The following ARL4A variants were observed in gnomAD, a reference collection of about 807,000 sequenced individuals.
ARL4A encodes ADP-ribosylation factor-like protein 4A.
A neutral mutation model predicts 13.9 loss-of-function variants in ARL4A; 5 were observed. That is an observed-to-expected ratio of 0.36 (90% CI 0.19 to 0.75). The LOEUF (loss-of-function observed/expected upper bound fraction) is 0.75. Ranked by LOEUF, ARL4A falls within the 30% of genes least tolerant of loss-of-function variation. The pLI is 0.53. For synonymous variants in ARL4A, 77 were observed against 84.4 expected (o/e 0.91, Z 0.48); for missense variants, 147 against 225.8 (o/e 0.65, Z 2.24).
At position 12,689,917 on chromosome 7, in the gene ARL4A, A is replaced by G. The variant is rs1478267132; in HGVS notation, c.*1060A>G. On this transcript the variant is annotated 3_prime_UTR_variant, in exon 2 of 2. Transcript: ENST00000651779. ...ATACCTGATGCGCTGTAGAATGAAA[A>G]TGTAAAAGATAACCTGTATGTGTTC... is the stretch of plus-strand genomic sequence containing the variant. 6.0e-6 allele frequency: 1 copy of G among 167,068 alleles called. No homozygotes were observed. The highest frequency in any genetic ancestry group is 1.5e-5 in the Non-Finnish European group (1 of 68,120). 10.3% of individuals were successfully genotyped at this position (167,068 alleles called of 1,614,324 possible). A position where few individuals can be genotyped will look rare whatever the true frequency, so the allele number is the denominator to read the frequency against.
rs1296052575 is a variant in ARL4A at position 12,690,851 on chromosome 7, A to G, written c.*1994A>G. 6.0e-6 allele frequency: 1 copy of G among 166,996 alleles called. No homozygotes were observed. Among genetic ancestry groups the G allele is most frequent in the Non-Finnish European group, 1.5e-5 (1 of 68,118 alleles). The allele number at this position is 166,996 out of a possible 1,614,324, so 10.3% of individuals were successfully genotyped here. The stretch of plus-strand genomic sequence containing the variant: ...CCTTTGTAGCCTAAGTACGTAAACA[A>G]ATTAATGTTATCTAAGTTTTTCATA... On this transcript the variant is annotated 3_prime_UTR_variant, in exon 2 of 2. Coordinates refer to ENST00000651779, the MANE Select transcript of ARL4A (RefSeq NM_005738.5).
At position 12,688,132 on chromosome 7, in the gene ARL4A, G is replaced by A. The variant is rs540430936; in HGVS notation, c.-89-34G>A. 2 of 1,374,474 alleles carry A rather than the reference G, an allele frequency of 1.5e-6. No homozygotes were observed. The highest frequency in any genetic ancestry group is 2.3e-5 in the East Asian group (1 of 42,780). The allele number at this position is 1,374,474 out of a possible 1,614,324, so 85.1% of individuals were successfully genotyped here. On this transcript the variant is annotated intron_variant, in intron 1 of 1. Transcript: ENST00000651779. The surrounding 1 kb of genome is among the most constrained non-coding windows in gnomAD (Gnocchi z 5.2). The stretch of plus-strand genomic sequence containing the variant: ...CAAACCTGTTTTAATGTATTATTTC[G>A]GGAGAATAACTTATTCCTTCTTCCG...
rs1784591500 is a variant in ARL4A at position 12,689,967 on chromosome 7, A to AT, written c.*1112dup. Reference sequence around the variant, plus strand: ...CCGAGCTTTAATTTTTTGTTTACAAATTGAACAGTGTTACATGGGCTGTCC... The same window carrying AT: ...CCGAGCTTTAATTTTTTGTTTACAAATTTGAACAGTGTTACATGGGCTGTCC... On this transcript the variant is annotated 3_prime_UTR_variant, in exon 2 of 2. Transcript: ENST00000651779. 6.0e-6 allele frequency: 1 copy of AT among 167,086 alleles called. No individual in the cohort carries two copies. Among genetic ancestry groups the AT allele is most frequent in the African/African-American group, 2.4e-5 (1 of 41,464 alleles). 10.4% of individuals were successfully genotyped at this position (167,086 alleles called of 1,614,324 possible).
Position 12,688,244 on chromosome 7 carries a change from T to G in ARL4A, c.-11T>G, listed in dbSNP as rs1029564443. The G allele has an allele frequency of 6.5e-7, 1 of 1,545,200 alleles. No individual in the cohort carries two copies. Among genetic ancestry groups the G allele is most frequent in the African/African-American group, 1.4e-5 (1 of 72,292 alleles). On this transcript the variant is annotated 5_prime_UTR_variant, in exon 2 of 2. Transcript: ENST00000651779. This position sits in a 1 kb window ranked among gnomAD's most constrained non-coding sequence, Gnocchi z 5.2. ...AGCATTTCAATTTGGGACATTTATT[T>G]GCACCTGGAAATGGGGAATGGGCTG...
In ARL4A at chr7:12,689,750, T is replaced by G. The variant is rs1237337767; in HGVS notation, c.*893T>G. On this transcript the variant is annotated 3_prime_UTR_variant, in exon 2 of 2. Transcript: ENST00000651779. Reference sequence around the variant, plus strand: ...TGGATTTATGAAGAAGGCGATTTAGTCAAGAGGATGTAATTAAAATATGTG... The same window carrying G: ...TGGATTTATGAAGAAGGCGATTTAGGCAAGAGGATGTAATTAAAATATGTG... 2 of 166,906 alleles carry G rather than the reference T, an allele frequency of 1.2e-5. No homozygotes were observed. Among genetic ancestry groups the G allele is most frequent in the Admixed American group, 6.5e-5 (1 of 15,288 alleles). The allele number at this position is 166,906 out of a possible 1,614,324, so 10.3% of individuals were successfully genotyped here.
rs762452969 is a variant in ARL4A, at chr7:12,688,900, G to A, written c.*43G>A. 1 of 1,534,252 alleles carries A rather than the reference G, an allele frequency of 6.5e-7. No individual in the cohort carries two copies. Among genetic ancestry groups the A allele is most frequent in the East Asian group, 2.3e-5 (1 of 44,332 alleles). On this transcript the variant is annotated 3_prime_UTR_variant, in exon 2 of 2. Coordinates refer to ENST00000651779, the MANE Select transcript of ARL4A (RefSeq NM_005738.5). The surrounding 1 kb of genome is among the most constrained non-coding windows in gnomAD (Gnocchi z 5.2). ...ATCTGTGTGGAGTAGGTTTTCTCTG[G>A]TCTGATTTTGACAAATAGAAGAGTG...
In ARL4A at chr7:12,688,847, A is replaced by T. The variant is rs1243325251; in HGVS notation, c.593A>T (p.Lys198Met). 6.2e-7 allele frequency: 1 copy of T among 1,606,558 alleles called. No homozygotes were observed. The highest frequency in any genetic ancestry group is 8.5e-7 in the Non-Finnish European group (1 of 1,177,388). ...KRRKMLRQQKKKR is the reference protein window; with the variant it reads ...KRRKMLRQQKMKR ...AGAAAAATGTTGCGGCAACAGAAAA[A>T]GAAAAGATGAATATCAATACCTATT... is the stretch of plus-strand genomic sequence containing the variant. Residue 198 changes from lysine to methionine, a missense_variant, in exon 2 of 2, where the codon AAG becomes ATG. Lys to Met is a moderately conservative substitution (Grantham distance 95). Coordinates refer to ENST00000651779, the MANE Select transcript of ARL4A (RefSeq NM_005738.5). This position sits in a 1 kb window ranked among gnomAD's most constrained non-coding sequence, Gnocchi z 5.2.
Position 12,688,759 on chromosome 7 carries a change from G to T in ARL4A, c.505G>T (p.Ala169Ser), listed in dbSNP as rs1784569125. Residue 169 changes from alanine (A) to serine (S), a missense_variant, in exon 2 of 2, where the codon GCA becomes TCA. Coordinates refer to ENST00000651779, the MANE Select transcript of ARL4A (RefSeq NM_005738.5). The surrounding 1 kb of genome is among the most constrained non-coding windows in gnomAD (Gnocchi z 5.2). ...STPWHLQPTC[A>S]IIGDGLKEGL... ...TCCTTGGCATTTGCAGCCTACCTGT[G>T]CAATCATAGGAGATGGCCTAAAGGA... 6.2e-7 allele frequency: 1 copy of T among 1,613,830 alleles called. No homozygotes were observed. Among genetic ancestry groups the T allele is most frequent in the African/African-American group, 1.3e-5 (1 of 74,910 alleles).
At chr7:12,687,430 C>G (rs1784540127), upstream of ARL4A, 3 of 152,298 alleles carry the variant, frequency 2.0e-5, no homozygotes, top group African/African-American at 7.2e-5. This position sits in a 1 kb window ranked among gnomAD's most constrained non-coding sequence, Gnocchi z 5.6. Flanking sequence ...AACTTAAGGG[C>G]AACAGGTGGT....
chr7:12,690,484 G>C lies in ARL4A; in HGVS notation c.*1627G>C, dbSNP rs1784602414. 1 of 166,858 alleles carries C rather than the reference G, an allele frequency of 6.0e-6. No homozygotes were observed. The highest frequency in any genetic ancestry group is 1.5e-5 in the Non-Finnish European group (1 of 68,070). The allele number at this position is 166,858 out of a possible 1,614,324, so 10.3% of individuals were successfully genotyped here. A position where few individuals can be genotyped will look rare whatever the true frequency, so the allele number is the denominator to read the frequency against. ...CAATAAACTACTTGAGGCACTAGGAGAACAGTATTTGACTTTGAATTTTAA... is the reference window on the plus strand; with the variant it reads ...CAATAAACTACTTGAGGCACTAGGACAACAGTATTTGACTTTGAATTTTAA... On this transcript the variant is annotated 3_prime_UTR_variant, in exon 2 of 2. Coordinates refer to ENST00000651779, the MANE Select transcript of ARL4A (RefSeq NM_005738.5).
chr7:12,687,943 A>C lies in ARL4A; in HGVS notation c.-90+215A>C, dbSNP rs1167176808. ...GTTTGGGGACCCAGGAGAAAAACGT[A>C]CATATTACTGCAATTTAAGTAAACC... is the stretch of plus-strand genomic sequence containing the variant. On this transcript the variant is annotated intron_variant, in intron 1 of 1. Coordinates refer to ENST00000651779, the MANE Select transcript of ARL4A (RefSeq NM_005738.5). This position sits in a 1 kb window ranked among gnomAD's most constrained non-coding sequence, Gnocchi z 5.6. Among the ~76,000 whole-genome samples the C allele has an allele frequency of 6.6e-6, 1 of 152,196 alleles. No individual in the cohort carries two copies. The highest frequency in any genetic ancestry group is 1.5e-5 in the Non-Finnish European group (1 of 68,030).
rs138601015 is a variant in ARL4A, at chr7:12,688,353, G to C, written c.99G>C (p.Lys33Asn). The change falls in exon 2 of 2, where the codon AAG becomes AAC. Residue 33 changes from lysine to asparagine, a missense_variant. Lys to Asn is a moderately conservative substitution (Grantham distance 94). Coordinates refer to ENST00000651779, the MANE Select transcript of ARL4A (RefSeq NM_005738.5). The surrounding 1 kb of genome is among the most constrained non-coding windows in gnomAD (Gnocchi z 5.2). ...IVILGLDCAGKTTVLYRLQFN... is the reference protein window; with the variant it reads ...IVILGLDCAGNTTVLYRLQFN... ...TTCTGGGTTTGGACTGTGCTGGAAA[G>C]ACAACTGTCTTATACAGGCTGCAGT... The C allele has an allele frequency of 6.2e-7, 1 of 1,613,820 alleles. No homozygotes were observed. The highest frequency in any genetic ancestry group is 1.3e-5 in the African/African-American group (1 of 74,918).
upstream of ARL4A, chr7:12,687,490 T>A (rs1395661852): frequency 1.3e-5 from 2 of 152,772 alleles, no homozygotes; most frequent in African/African-American, 4.8e-5. The surrounding 1 kb of genome is among the most constrained non-coding windows in gnomAD (Gnocchi z 5.6). Flanking sequence ...GAGCGGCAGT[T>A]ACCCTCACCA....
rs1399615514 is a variant in ARL4A at position 12,690,385 on chromosome 7, G to A, written c.*1528G>A. 1 of 165,642 alleles carries A rather than the reference G, an allele frequency of 6.0e-6. No homozygotes were observed. Among genetic ancestry groups the A allele is most frequent in the Non-Finnish European group, 1.5e-5 (1 of 67,970 alleles). The allele number at this position is 165,642 out of a possible 1,614,324, so 10.3% of individuals were successfully genotyped here. Reference sequence around the variant, plus strand: ...AATGAATGAAGTAGCTTGATGTGGAGCCTTCATATGTTAAATATTCCTGCA... The same window carrying A: ...AATGAATGAAGTAGCTTGATGTGGAACCTTCATATGTTAAATATTCCTGCA... On this transcript the variant is annotated 3_prime_UTR_variant, in exon 2 of 2. Transcript: ENST00000651779.
At position 12,689,200 on chromosome 7, in the gene ARL4A, A is replaced by G. The variant is rs1274591081; in HGVS notation, c.*343A>G. On this transcript the variant is annotated 3_prime_UTR_variant, in exon 2 of 2. Coordinates refer to ENST00000651779, the MANE Select transcript of ARL4A (RefSeq NM_005738.5). ...TGTCTGCCTAGTGTTTTGTGCTTAC[A>G]TCTTTCGGGGGGAAGCCTTTGCAAG... 4.6e-6 allele frequency: 1 copy of G among 217,568 alleles called. No homozygotes were observed. The highest frequency in any genetic ancestry group is 5.3e-5 in the Admixed American group (1 of 18,926). 13.5% of individuals were successfully genotyped at this position (217,568 alleles called of 1,614,324 possible). A position where few individuals can be genotyped will look rare whatever the true frequency, so the allele number is the denominator to read the frequency against.
Position 12,689,817 on chromosome 7 carries a change from T to C in ARL4A, c.*960T>C, listed in dbSNP as rs1259588525. 2 of 166,812 alleles carry C rather than the reference T, an allele frequency of 1.2e-5. No homozygotes were observed. The highest frequency in any genetic ancestry group is 2.9e-5 in the Non-Finnish European group (2 of 68,118). 10.3% of individuals were successfully genotyped at this position (166,812 alleles called of 1,614,324 possible). A position where few individuals can be genotyped will look rare whatever the true frequency, so the allele number is the denominator to read the frequency against. On this transcript the variant is annotated 3_prime_UTR_variant, in exon 2 of 2. Coordinates refer to ENST00000651779, the MANE Select transcript of ARL4A (RefSeq NM_005738.5). ...AGTTACAAGATATTTGTTTTATTAA[T>C]ATTTGCTGGCTAAAAACAAATGTGG...
At chr7:12,687,024 AG>A (rs1377232267), upstream of ARL4A, 1 of 152,076 alleles carries the variant, frequency 6.6e-6, no homozygotes. The surrounding 1 kb of genome is among the most constrained non-coding windows in gnomAD (Gnocchi z 5.6). Flanking sequence ...AATGAAGAAG[AG>A]GGAAGGACGG....
Position 12,690,118 on chromosome 7 carries a change from A to G in ARL4A, c.*1261A>G, listed in dbSNP as rs1329627951. 1 of 167,034 alleles carries G rather than the reference A, an allele frequency of 6.0e-6. No individual in the cohort carries two copies. Among genetic ancestry groups the G allele is most frequent in the Non-Finnish European group, 1.5e-5 (1 of 68,098 alleles). The allele number at this position is 167,034 out of a possible 1,614,324, so 10.3% of individuals were successfully genotyped here. ...CACTGGTGCTGTTTACATTGGAATA[A>G]AAAGCTCTATAAGGAGGAAAGGCCT... On this transcript the variant is annotated 3_prime_UTR_variant, in exon 2 of 2. Transcript: ENST00000651779.
chr7:12,688,379 T>G lies in ARL4A; in HGVS notation c.125T>G (p.Phe42Cys). The G allele has an allele frequency of 1.2e-6, 2 of 1,613,984 alleles. No homozygotes were observed. Among genetic ancestry groups the G allele is most frequent in the Non-Finnish European group, 1.7e-6 (2 of 1,179,868 alleles). Residue 42 changes from phenylalanine (F) to cysteine (C), a missense_variant, in exon 2 of 2, where the codon TTC becomes TGC. By Grantham distance (205) the Phe-to-Cys change is radical (BLOSUM62 -2). Coordinates refer to ENST00000651779, the MANE Select transcript of ARL4A (RefSeq NM_005738.5). The surrounding 1 kb of genome is among the most constrained non-coding windows in gnomAD (Gnocchi z 5.2). ...ACAACTGTCTTATACAGGCTGCAGT[T>G]CAATGAATTTGTAAATACCGTACCT... is the stretch of plus-strand genomic sequence containing the variant. ...GKTTVLYRLQ[F>C]NEFVNTVPTK...
Sources: gnomAD v4.1 joint callset for allele counts (sites outside exome capture counted in the v4.1 genomes callset) on GRCh38, gnomAD v4.1.1 for gene constraint, Gnocchi (gnomAD v3.1) non-coding constraint, MANE v1.5 for transcripts, NCBI Gene and HGNC (gene_info 2026-07-23, HGNC 2026-07-21) for gene names.